Variants in INPP5A observed in about 807,000 individuals in gnomAD.
The protein encoded by INPP5A is 43 kDa inositol polyphosphate 5-phophatase.
A neutral mutation model predicts 65.2 loss-of-function variants in INPP5A; 14 were observed. The ratio of observed to expected loss-of-function variants is 0.21; its 90% CI spans 0.14 to 0.34. The LOEUF (loss-of-function observed/expected upper bound fraction) is 0.34, where lower values mean the gene tolerates loss of function less well. Ranked by LOEUF, INPP5A falls within the 10% of genes least tolerant of loss-of-function variation. INPP5A has a pLI of 1.00. For missense variants in INPP5A, 431 were observed against 545.6 expected (o/e 0.79, Z 2.09); for synonymous variants, 207 against 208.3 (o/e 0.99, Z 0.05).
At chr10:132,739,965 G>T (rs1846245055) in intron 9 of INPP5A, among the ~76,000 whole-genome samples, 1 of 152,218 alleles carries the variant, frequency 6.6e-6, no homozygotes, top group African/African-American at 2.4e-5. Flanking sequence ...CAGAGGTGAG[G>T]CTTCCTTGGC....
intron 1 of INPP5A, among the ~76,000 whole-genome samples, chr10:132,596,585 G>A (rs2071691840): frequency 6.6e-6 from 1 of 152,046 alleles, no homozygotes; most frequent in South Asian, 2.1e-4. Context: ...CCACCACCAT[G>A]CCCGGCTAAT....
chr10:132,734,675 G>A (rs1175026881), intron 9 of INPP5A, among the ~76,000 whole-genome samples: 1 of 152,232 alleles, frequency 6.6e-6, no homozygotes, highest in Non-Finnish European at 1.5e-5. Flanking sequence ...CCATGGCCTT[G>A]GGCACCAGGA....
At chr10:132,746,417 C>T (rs1228206871) in intron 9 of INPP5A, among the ~76,000 whole-genome samples, 1 of 152,210 alleles carries the variant, frequency 6.6e-6, no homozygotes, top group Non-Finnish European at 1.5e-5. Context: ...AGACCAACTG[C>T]ACAGGTGCAC....
chr10:132,631,073 C>T (rs2072266569), intron 2 of INPP5A, among the ~76,000 whole-genome samples: 1 of 152,190 alleles, frequency 6.6e-6, no homozygotes, highest in Non-Finnish European at 1.5e-5. Flanking sequence ...GGTCCCACAC[C>T]CCTCCCCATG....
intron 12 of INPP5A, 118 bp from the exon 13 acceptor site, chr10:132,777,553 T>TC (rs1847084721): frequency 1.2e-6 from 1 of 816,012 alleles, no homozygotes; most frequent in African/African-American, 1.7e-5. Context: ...GTGTATTCAT[T>TC]CCCCAGGTAG....
At chr10:132,731,449 C>T (rs1029479222) in intron 9 of INPP5A, among the ~76,000 whole-genome samples, 1 of 151,552 alleles carries the variant, frequency 6.6e-6, no homozygotes, top group Non-Finnish European at 1.5e-5. Context: ...GTGACCGCGT[C>T]CCTGCCCCAT....
At position 132,555,294 on chromosome 10, in the gene INPP5A, A is replaced by T. The variant is rs1416060958; in HGVS notation, c.75+17123A>T. 6.6e-6 allele frequency among the ~76,000 whole-genome samples: 1 copy of T among 151,946 alleles called. No individual in the cohort carries two copies. Among genetic ancestry groups the T allele is most frequent in the African/African-American group, 2.4e-5 (1 of 41,346 alleles). On this transcript the variant is annotated intron_variant, in intron 1 of 15. Coordinates refer to ENST00000368594, the MANE Select transcript of INPP5A (RefSeq NM_005539.5). The surrounding 1 kb of genome is among the most constrained non-coding windows in gnomAD (Gnocchi z 4.4). Reference sequence around the variant, plus strand: ...AGGGCGCTCCTGATCCCTCTGTGAGACCAGTGAGAAGATGTCGTAGGAGAG... The same window carrying T: ...AGGGCGCTCCTGATCCCTCTGTGAGTCCAGTGAGAAGATGTCGTAGGAGAG...
chr10:132,769,783 A>G (rs1158527253), intron 12 of INPP5A, among the ~76,000 whole-genome samples: 2 of 150,198 alleles, frequency 1.3e-5, no homozygotes, highest in Non-Finnish European at 3.0e-5. Context: ...GCAGCCCTGC[A>G]GCCCCCACCC....
At chr10:132,766,107 T>G (rs1031450944) in intron 12 of INPP5A, among the ~76,000 whole-genome samples, 3 of 151,554 alleles carry the variant, frequency 2.0e-5, no homozygotes, top group African/African-American at 4.9e-5. Context: ...CACGAGTGCA[T>G]CTGTGTGTGC....
chr10:132,715,260 G>T (rs1287592596), intron 8 of INPP5A, among the ~76,000 whole-genome samples: 1 of 152,218 alleles, frequency 6.6e-6, no homozygotes, highest in East Asian at 1.9e-4. Flanking sequence ...CTGAAATGTG[G>T]CCTGGGCTAG....
chr10:132,658,895 G>T (rs959105969), intron 4 of INPP5A, among the ~76,000 whole-genome samples: 1 of 152,134 alleles, frequency 6.6e-6, no homozygotes, highest in Non-Finnish European at 1.5e-5. Context: ...CAGGAGAGTG[G>T]AAGGCGTCGG....
rs1274265140 is a variant in INPP5A, at chr10:132,545,946, C to T, written c.75+7775C>T. Among the ~76,000 whole-genome samples, 2 of 152,252 alleles carry T rather than the reference C, an allele frequency of 1.3e-5. No individual in the cohort carries two copies. The highest frequency in any genetic ancestry group is 4.8e-5 in the African/African-American group (2 of 41,468). On this transcript the variant is annotated intron_variant, in intron 1 of 15. Transcript: ENST00000368594. This position sits in a 1 kb window ranked among gnomAD's most constrained non-coding sequence, Gnocchi z 4.6. ...GTGTGGATGGCACCTGCACTGTGTC[C>T]ACTCTTTAGGCTCTAATGTTCATGG...
intron 1 of INPP5A, among the ~76,000 whole-genome samples, chr10:132,566,767 A>G (rs2071279403): frequency 6.6e-6 from 1 of 152,254 alleles, no homozygotes; most frequent in Non-Finnish European, 1.5e-5. Flanking sequence ...CACTAGTGTC[A>G]GGGACAAGAC....
rs1223194971 is a variant in INPP5A at position 132,675,169 on chromosome 10, TAGAG to T, written c.307-15220_307-15217del. On this transcript the variant is annotated intron_variant, in intron 4 of 15. Coordinates refer to ENST00000368594, the MANE Select transcript of INPP5A (RefSeq NM_005539.5). The surrounding 1 kb of genome is among the most constrained non-coding windows in gnomAD (Gnocchi z 4.2). Reference sequence around the variant, plus strand: ...AGATTATAACAAATCAAGAAAACCATAGAGAGCATAGGGGTGTGCCGCAGTCACA... The same window carrying T: ...AGATTATAACAAATCAAGAAAACCATAGCATAGGGGTGTGCCGCAGTCACA... Among the ~76,000 whole-genome samples the T allele has an allele frequency of 9.9e-5, 15 of 152,140 alleles. No individual in the cohort carries two copies. Among genetic ancestry groups the T allele is most frequent in the African/African-American group, 3.6e-4 (15 of 41,478 alleles).
chr10:132,631,484 C>T, intron 2 of INPP5A, among the ~76,000 whole-genome samples: 1 of 152,228 alleles, frequency 6.6e-6, no homozygotes, highest in Non-Finnish European at 1.5e-5. Flanking sequence ...CAAGAAATTC[C>T]CGTGTCCCTC....
At chr10:132,752,582 AGGTGTGGCATGGAGG>A (rs1277154967) in intron 11 of INPP5A, among the ~76,000 whole-genome samples, 4 of 71,838 alleles carry the variant, frequency 5.6e-5, no homozygotes, top group Non-Finnish European at 7.9e-5. Flanking sequence ...AGTGGTGAGG[AGGTGTGGCATGGAGG>A]GGTGTGGCAT....
At chr10:132,666,101 T>C (rs1465231238) in intron 4 of INPP5A, among the ~76,000 whole-genome samples, 1 of 152,056 alleles carries the variant, frequency 6.6e-6, no homozygotes, top group Non-Finnish European at 1.5e-5. Context: ...ATTAGTCCTT[T>C]ACCAGGTTTG....
chr10:132,544,079 C>T (rs1444021406), intron 1 of INPP5A, among the ~76,000 whole-genome samples: 1 of 152,240 alleles, frequency 6.6e-6, no homozygotes, highest in Non-Finnish European at 1.5e-5. Flanking sequence ...ATGTCACATC[C>T]CTCCCAGGGT....
intron 1 of INPP5A, among the ~76,000 whole-genome samples, chr10:132,580,447 A>G (rs906933847): frequency 3.3e-5 from 5 of 152,194 alleles, no homozygotes; most frequent in African/African-American, 9.7e-5. Context: ...CCTCCCAGCC[A>G]TGTTTCCTGT....
Sources: gnomAD v4.1 joint callset for allele counts (sites outside exome capture counted in the v4.1 genomes callset) on GRCh38, gnomAD v4.1.1 for gene constraint, Gnocchi (gnomAD v3.1) non-coding constraint, MANE v1.5 for transcripts, NCBI Gene and HGNC (gene_info 2026-07-23, HGNC 2026-07-21) for gene names.